ZMYND8: variants seen among roughly 807,000 people sequenced by gnomAD.
The protein encoded by ZMYND8 is MYND-type zinc finger-containing chromatin reader ZMYND8.
Under a neutral mutation model 140.8 loss-of-function variants are expected in ZMYND8, and 37 were observed. The ratio of observed to expected loss-of-function variants is 0.26; its 90% CI spans 0.20 to 0.35. The LOEUF (loss-of-function observed/expected upper bound fraction) is 0.35. Ranked by LOEUF, ZMYND8 falls within the 10% of genes least tolerant of loss-of-function variation. The pLI is 1.00. For synonymous variants in ZMYND8, 592 were observed against 597.1 expected, an observed-to-expected ratio of 0.99 and a Z score of 0.12; for missense variants, 1,068 against 1,570.0, an observed-to-expected ratio of 0.68 and a Z score of 5.40.
At chr20:47,313,707 G>T (rs909486547) in intron 2 of ZMYND8, among the ~76,000 whole-genome samples, 4 of 151,842 alleles carry the variant, frequency 2.6e-5, no homozygotes, top group Non-Finnish European at 5.9e-5. Flanking sequence ...CGAGGCAAGC[G>T]AATCATCTGA....
intron 11 of ZMYND8, among the ~76,000 whole-genome samples, chr20:47,271,026 G>C (rs1039597446): frequency 6.6e-6 from 1 of 151,860 alleles, no homozygotes; most frequent in Non-Finnish European, 1.5e-5. Flanking sequence ...GCAGTGAGCC[G>C]AGATCGCACC....
At chr20:47,267,056 G>A (rs945551023) in intron 11 of ZMYND8, among the ~76,000 whole-genome samples, 7 of 152,150 alleles carry the variant, frequency 4.6e-5, no homozygotes, top group African/African-American at 7.2e-5. Flanking sequence ...GAACGTTACC[G>A]AGCCATAAAA....
intron 1 of ZMYND8, 117 bp downstream of exon 1, chr20:47,356,540 A>T (rs559302133): frequency 6.2e-6 from 10 of 1,612,828 alleles, no homozygotes; most frequent in Non-Finnish European, 8.5e-6. Context: ...CCAAGTTAAC[A>T]TAAGTGCTCT....
At chr20:47,308,241 CAG>C (rs2148187630) in intron 3 of ZMYND8, among the ~76,000 whole-genome samples, 1 of 135,460 alleles carries the variant, frequency 7.4e-6, no homozygotes, top group Admixed American at 7.6e-5. Flanking sequence ...TTTTTGGAGA[CAG>C]AGTCTTGCTC....
At chr20:47,220,188 T>C in intron 21 of ZMYND8, 70 bp downstream of exon 21, 1 of 1,306,434 alleles carries the variant, frequency 7.7e-7, no homozygotes, top group Non-Finnish European at 1.1e-6. Context: ...AAATTCTCCC[T>C]GACAAAATGG....
chr20:47,236,648 C>T (rs2039277569), intron 15 of ZMYND8, 132 bp from the exon 16 acceptor site: 4 of 918,024 alleles, frequency 4.4e-6, no homozygotes, highest in Non-Finnish European at 6.2e-6. Flanking sequence ...AGATGCTCCC[C>T]TTGACCAAAC....
At chr20:47,350,963 C>G (rs759350640) in intron 1 of ZMYND8, among the ~76,000 whole-genome samples, 1 of 152,238 alleles carries the variant, frequency 6.6e-6, no homozygotes, top group African/African-American at 2.4e-5. Context: ...ACCACCACCT[C>G]TTACACTCAC....
intron 22 of ZMYND8, among the ~76,000 whole-genome samples, chr20:47,211,463 C>G (rs60943953): frequency 0.086 from 13,118 of 152,262 alleles, 706 homozygotes; most frequent in South Asian, 0.21. Context: ...CCGGTAAGGA[C>G]AAGCTTATGG....
intron 2 of ZMYND8, among the ~76,000 whole-genome samples, chr20:47,313,215 CTGTCTCTG>C: frequency 7.4e-6 from 1 of 136,032 alleles, no homozygotes. Flanking sequence ...AGGAGAGACA[CTGTCTCTG>C]AAAAAAAAAA....
chr20:47,340,213 C>G (rs376226206), intron 2 of ZMYND8, among the ~76,000 whole-genome samples: 29 of 152,224 alleles, frequency 1.9e-4, no homozygotes, highest in East Asian at 1.5e-3. Context: ...TCCCAAAGTG[C>G]TGGGATTACA....
In ZMYND8 at chr20:47,246,017, T is replaced by C. The variant is rs201727552; in HGVS notation, c.2275A>G (p.Lys759Glu). ...AGATACAATCACTTACCATCCTGTT[T>C]GGGAGATGGTTCTTTGGGTTCCTTC... ...NKKEPKEPSP[K>E]QDVVGKTPPS... The change falls in exon 14 of 23, where the codon AAA (lysine) becomes GAA (glutamate). Residue 759 changes from lysine (K) to glutamate (E), a missense_variant. Transcript: ENST00000471951. 1.1e-5 allele frequency: 18 copies of C among 1,596,870 alleles called. No individual in the cohort carries two copies. The highest frequency in any genetic ancestry group is 1.5e-5 in the Non-Finnish European group (18 of 1,173,400).
intron 21 of ZMYND8, among the ~76,000 whole-genome samples, chr20:47,215,507 CTTT>C (rs35634467): frequency 3.5e-5 from 5 of 143,980 alleles, no homozygotes; most frequent in Non-Finnish European, 6.1e-5. Context: ...AATGAAACAA[CTTT>C]TTTTTTTTTT....
At chr20:47,262,106 C>T (rs1444900900) in intron 12 of ZMYND8, among the ~76,000 whole-genome samples, 182 bp downstream of exon 12, 1 of 152,106 alleles carries the variant, frequency 6.6e-6, no homozygotes, top group African/African-American at 2.4e-5. Flanking sequence ...TCAATAAGCC[C>T]CAAGAAATCC....
At chr20:47,331,528 G>A (rs576234440) in intron 2 of ZMYND8, among the ~76,000 whole-genome samples, 12 of 152,136 alleles carry the variant, frequency 7.9e-5, no homozygotes, top group Non-Finnish European at 1.8e-4. Flanking sequence ...ATCTAGGTTG[G>A]AAACATAAAT....
chr20:47,227,294 G>C lies in ZMYND8; in HGVS notation c.2938-13C>G. ...TCAGCCTGCGAATCTGGAAGAGGGAGAGTGAGCGTCTTCAAAAGCTGTCTC... is the reference window on the plus strand; with the variant it reads ...TCAGCCTGCGAATCTGGAAGAGGGACAGTGAGCGTCTTCAAAAGCTGTCTC... On this transcript the variant is annotated splice_polypyrimidine_tract_variant and intron_variant, in intron 17 of 22. Transcript: ENST00000471951. 1 of 1,613,950 alleles carries C rather than the reference G, an allele frequency of 6.2e-7. No homozygotes were observed. Among genetic ancestry groups the C allele is most frequent in the Non-Finnish European group, 8.5e-7 (1 of 1,179,886 alleles).
chr20:47,257,360 A>C (rs755145612), intron 12 of ZMYND8, among the ~76,000 whole-genome samples: 2 of 151,998 alleles, frequency 1.3e-5, no homozygotes, highest in Non-Finnish European at 2.9e-5. Context: ...ACACACATAC[A>C]TACACACAAA....
At chr20:47,256,942 AG>A (rs2074778034) in intron 12 of ZMYND8, among the ~76,000 whole-genome samples, 1 of 152,184 alleles carries the variant, frequency 6.6e-6, no homozygotes, top group African/African-American at 2.4e-5. Context: ...GAGTTTCTTC[AG>A]CTCAAAGTAA....
chr20:47,236,279 C>T (rs755558925), intron 16 of ZMYND8, 47 bp downstream of exon 16: 4 of 1,609,724 alleles, frequency 2.5e-6, no homozygotes, highest in Admixed American at 3.3e-5. Flanking sequence ...ATTCTGGCAT[C>T]CTGCCAGGTG....
chr20:47,272,234 C>G (rs182417715), intron 11 of ZMYND8, among the ~76,000 whole-genome samples: 1 of 151,898 alleles, frequency 6.6e-6, no homozygotes, highest in African/African-American at 2.4e-5. Context: ...CATGCCACCA[C>G]GCCCAGCTAA....
Sources: allele counts gnomAD v4.1 joint callset (sites outside exome capture counted in the v4.1 genomes callset), GRCh38; gene constraint gnomAD v4.1.1; transcripts MANE v1.5; gene names NCBI Gene and HGNC (gene_info 2026-07-23, HGNC 2026-07-21).